Variants in MIGA1 observed in about 807,000 individuals in gnomAD.
The protein encoded by MIGA1 is mitoguardin 1, also known as family with sequence similarity 73, member A.
In MIGA1, 58 loss-of-function variants were observed where a neutral mutation model predicts 82.0. That is an observed-to-expected ratio of 0.71 (90% confidence interval 0.57 to 0.88). The LOEUF (loss-of-function observed/expected upper bound fraction) is 0.88, where lower values mean the gene tolerates loss of function less well. Among genes scored for constraint, MIGA1 ranks in the 40% least tolerant of loss-of-function variants. The probability of loss-of-function intolerance (pLI) is 0.00; values close to 1 mark genes in which losing one functional copy is unlikely to be tolerated. For missense variants in MIGA1, 751 were observed against 749.1 expected, an observed-to-expected ratio of 1.00 and a Z score of -0.03; for synonymous variants, 249 against 253.6, an observed-to-expected ratio of 0.98 and a Z score of 0.17.
intron 8 of MIGA1, among the ~76,000 whole-genome samples, chr1:77,844,410 GAT>G (rs1438899507): frequency 6.6e-6 from 1 of 151,850 alleles, no homozygotes; most frequent in African/African-American, 2.4e-5. Context: ...AAACGTGCGT[GAT>G]ATATAAGTAT....
rs542587816 is a variant in MIGA1 at position 77,807,444 on chromosome 1, G to A, written c.637+343G>A. The stretch of plus-strand genomic sequence containing the variant: ...CTCCCAAAGTACTGGGATTACATGC[G>A]TGAGCCACCACGGTTGGTGGTAAGT... On this transcript the variant is annotated intron_variant, in intron 5 of 15. Coordinates refer to ENST00000370791, the MANE Select transcript of MIGA1 (RefSeq NM_198549.4). Among the ~76,000 whole-genome samples the A allele has an allele frequency of 2.0e-5, 3 of 152,310 alleles. No individual in the cohort carries two copies. The South Asian group carries it at 6.2e-4, about 32-fold the overall frequency.
chr1:77,803,117 AATG>A lies in MIGA1; in HGVS notation c.374-149_374-147del, dbSNP rs528453449. On this transcript the variant is annotated intron_variant, in intron 3 of 15. Coordinates refer to ENST00000370791, the MANE Select transcript of MIGA1 (RefSeq NM_198549.4). ...ATTATATAAAGATTTAGATTTTAAT[AATG>A]ATGTACATGTAATAATTTACACAAG... 3.7e-3 allele frequency among the ~76,000 whole-genome samples: 566 copies of A among 152,300 alleles called. 5 individuals carry two copies. Among genetic ancestry groups the A allele is most frequent in the African/African-American group, 0.013 (543 of 41,582 alleles).
chr1:77,840,781 C>T (rs1684601105), intron 7 of MIGA1, among the ~76,000 whole-genome samples: 1 of 152,082 alleles, frequency 6.6e-6, no homozygotes, highest in Non-Finnish European at 1.5e-5. Flanking sequence ...CATTGCACTC[C>T]AGCCTAGGCA....
At chr1:77,819,368 C>T (rs932606823) in intron 7 of MIGA1, among the ~76,000 whole-genome samples, 1 of 151,958 alleles carries the variant, frequency 6.6e-6, no homozygotes. Flanking sequence ...ACTGCAGCCT[C>T]CACCTCCTGG....
chr1:77,861,381 T>C (rs1685447661), intron 12 of MIGA1, 59 bp downstream of exon 12: 1 of 1,105,706 alleles, frequency 9.0e-7, no homozygotes. Flanking sequence ...TAATTTTATA[T>C]GAGTTGAGAC....
At position 77,803,238 on chromosome 1, in the gene MIGA1, A is replaced by G. The variant is rs151305260; in HGVS notation, c.374-32A>G. The G allele has an allele frequency of 1.5e-5, 20 of 1,324,268 alleles. No homozygotes were observed. The African/African-American group carries it at 1.8e-4, about 12-fold the overall frequency. The allele number at this position is 1,324,268 out of a possible 1,614,324, so 82.0% of individuals were successfully genotyped here. On this transcript the variant is annotated intron_variant, in intron 3 of 15. Coordinates refer to ENST00000370791, the MANE Select transcript of MIGA1 (RefSeq NM_198549.4). ...CTGAAATTTATCATTGGCGTTATTG[A>G]TATTTTTAATATTAGTATGTTTATT...
intron 1 of MIGA1, chr1:77,782,918 A>G: frequency 1.1e-6 from 1 of 939,968 alleles, no homozygotes; most frequent in Non-Finnish European, 1.3e-6. Flanking sequence ...AAAGTGTTAA[A>G]TTTTTATGTA....
At chr1:77,810,786 A>G (rs1683296200) in intron 5 of MIGA1, 1 of 1,489,150 alleles carries the variant, frequency 6.7e-7, no homozygotes, top group Admixed American at 2.0e-5. Flanking sequence ...TGAAGGGTGA[A>G]TATGCTACAC....
chr1:77,810,023 G>T (rs530738240), intron 5 of MIGA1, among the ~76,000 whole-genome samples: 1 of 152,030 alleles, frequency 6.6e-6, no homozygotes, highest in Non-Finnish European at 1.5e-5. Flanking sequence ...GCAGTATCTC[G>T]TTAGCATCTG....
intron 7 of MIGA1, among the ~76,000 whole-genome samples, chr1:77,842,539 A>T (rs1684664115): frequency 6.6e-6 from 1 of 151,914 alleles, no homozygotes; most frequent in Non-Finnish European, 1.5e-5. Flanking sequence ...ATCTTCTTGA[A>T]TTGTTTTTTT....
intron 13 of MIGA1, among the ~76,000 whole-genome samples, chr1:77,864,542 G>C (rs1407773443): frequency 7.2e-6 from 1 of 139,826 alleles, no homozygotes; most frequent in South Asian, 2.3e-4. Context: ...TGGGTATGGT[G>C]GTGGGCACCT....
At chr1:77,863,490 T>G (rs938958409) in intron 12 of MIGA1, among the ~76,000 whole-genome samples, 2 of 152,202 alleles carry the variant, frequency 1.3e-5, no homozygotes, top group Non-Finnish European at 2.9e-5. Flanking sequence ...ACTCTAGAAG[T>G]TTGAGCACTT....
intron 14 of MIGA1, among the ~76,000 whole-genome samples, chr1:77,867,248 T>C (rs568104145): frequency 6.6e-6 from 1 of 152,318 alleles, no homozygotes; most frequent in Non-Finnish European, 1.5e-5. Flanking sequence ...TATGTGACCT[T>C]AGGCAAGTTG....
At chr1:77,849,728 T>G (rs1023518198) in intron 8 of MIGA1, among the ~76,000 whole-genome samples, 1 of 151,998 alleles carries the variant, frequency 6.6e-6, no homozygotes, top group African/African-American at 2.4e-5. Flanking sequence ...TCATTTAAAA[T>G]TTTTCTTCTA....
At position 77,873,095 on chromosome 1, in the gene MIGA1, T is replaced by C. The variant is rs1359123016; in HGVS notation, c.1655T>C (p.Leu552Pro). 6.2e-7 allele frequency: 1 copy of C among 1,613,596 alleles called. No individual in the cohort carries two copies. ...GGCTTTTTGGGTCCTAGAAATTCTC[T>C]GTATGATTTATGTTGCTTTTTTAAG... Residue 552 changes from leucine to proline, a missense_variant, in exon 15 of 16, where the codon CTG becomes CCG. Physicochemically the swap from Leu to Pro is moderately conservative, Grantham distance 98. Coordinates refer to ENST00000370791, the MANE Select transcript of MIGA1 (RefSeq NM_198549.4).
intron 7 of MIGA1, among the ~76,000 whole-genome samples, chr1:77,834,088 C>T (rs1226045544): frequency 6.6e-6 from 1 of 152,224 alleles, no homozygotes; most frequent in Non-Finnish European, 1.5e-5. Flanking sequence ...ATGGGTGAAA[C>T]TTTATACGTC....
At chr1:77,861,947 C>T (rs1685470518) in intron 12 of MIGA1, 1 of 149,472 alleles carries the variant, frequency 6.7e-6, no homozygotes, top group South Asian at 2.1e-4. Context: ...TTGAGACCAA[C>T]CTAGCCAACA....
chr1:77,874,350 CA>C (rs1312305622), intron 15 of MIGA1, among the ~76,000 whole-genome samples: 87 of 144,066 alleles, frequency 6.0e-4, no homozygotes, highest in African/African-American at 2.1e-3. Context: ...TTTTCTTGTA[CA>C]AAAAAAAAAA....
Position 77,840,695 on chromosome 1 carries a change from T to C in MIGA1, c.896-2612T>C, listed in dbSNP as rs572205679. On this transcript the variant is annotated intron_variant, in intron 7 of 15. Coordinates refer to ENST00000370791, the MANE Select transcript of MIGA1 (RefSeq NM_198549.4). ...GGCGTGGTGGCACATGCCTGTAATC[T>C]CAGCTACTTGGGAGGCTGAGGCAGG... Among the ~76,000 whole-genome samples, 727 of 152,074 alleles carry C rather than the reference T, an allele frequency of 4.8e-3. 5 individuals are homozygous for C. Among genetic ancestry groups the C allele is most frequent in the African/African-American group, 0.016 (663 of 41,502 alleles).
Sources: allele counts gnomAD v4.1 joint callset (sites outside exome capture counted in the v4.1 genomes callset), GRCh38; gene constraint gnomAD v4.1.1; transcripts MANE v1.5; gene names NCBI Gene and HGNC (gene_info 2026-07-23, HGNC 2026-07-21).